ITSN1: variants seen among roughly 807,000 people sequenced by gnomAD.
The protein encoded by ITSN1 is intersectin-1.
A neutral mutation model predicts 239.8 loss-of-function variants in ITSN1; 58 were observed. The ratio of observed to expected loss-of-function variants is 0.24; its 90% CI spans 0.20 to 0.30. The LOEUF is 0.30. Among genes scored for constraint, ITSN1 ranks in the 10% least tolerant of loss-of-function variants. The probability of loss-of-function intolerance (pLI) is 1.00; values close to 1 mark genes in which losing one functional copy is unlikely to be tolerated. For missense variants in ITSN1, 1,558 were observed against 2,103.3 expected, an observed-to-expected ratio of 0.74 and a Z score of 5.07; for synonymous variants, 780 against 770.8, an observed-to-expected ratio of 1.01 and a Z score of -0.20.
intron 9 of ITSN1, among the ~76,000 whole-genome samples, chr21:33,763,515 A>C (rs2068514215): frequency 6.6e-6 from 1 of 152,194 alleles, no homozygotes; most frequent in Non-Finnish European, 1.5e-5. Flanking sequence ...TGCCAGTAGC[A>C]TGAGCTCCAC....
chr21:33,792,614 A>G (rs1170578415), intron 16 of ITSN1, among the ~76,000 whole-genome samples: 1 of 152,228 alleles, frequency 6.6e-6, no homozygotes, highest in Admixed American at 6.5e-5. Context: ...TTGGTATGGC[A>G]GTGAGAAAGA....
At chr21:33,807,282 A>C (rs1470404203) in intron 20 of ITSN1, among the ~76,000 whole-genome samples, 1 of 152,146 alleles carries the variant, frequency 6.6e-6, no homozygotes, top group Middle Eastern at 3.2e-3. Flanking sequence ...ATCACATCTG[A>C]GGACAGGCTG....
chr21:33,752,173 G>A (rs1310979039), intron 7 of ITSN1, among the ~76,000 whole-genome samples: 2 of 151,652 alleles, frequency 1.3e-5, no homozygotes, highest in Admixed American at 6.6e-5. Context: ...ATAACAAATG[G>A]ATAGTAATAA....
At chr21:33,873,985 AC>A (rs1983206055) in intron 33 of ITSN1, among the ~76,000 whole-genome samples, 1 of 150,368 alleles carries the variant, frequency 6.7e-6, no homozygotes, top group African/African-American at 2.5e-5. Context: ...GCATGGTGAA[AC>A]CCCCATCTCT....
At chr21:33,768,120 C>T (rs2068849941) in intron 11 of ITSN1, among the ~76,000 whole-genome samples, 1 of 152,100 alleles carries the variant, frequency 6.6e-6, no homozygotes, top group Admixed American at 6.6e-5. Flanking sequence ...ATAGAATATA[C>T]AGCACTAAAA....
At chr21:33,881,406 CAAAAAA>C (rs1207634551) in intron 34 of ITSN1, among the ~76,000 whole-genome samples, 3 of 75,054 alleles carry the variant, frequency 4.0e-5, no homozygotes, top group Admixed American at 1.6e-4. Flanking sequence ...GACTCTGTCT[CAAAAAA>C]AAAAAAAAAA....
chr21:33,701,620 C>T (rs1471174605), intron 1 of ITSN1, among the ~76,000 whole-genome samples: 1 of 151,182 alleles, frequency 6.6e-6, no homozygotes, highest in Non-Finnish European at 1.5e-5. Context: ...TGGTGAAACC[C>T]TGTGTCTGTT....
At chr21:33,753,164 C>T (rs146708942) in intron 7 of ITSN1, among the ~76,000 whole-genome samples, 1 of 152,086 alleles carries the variant, frequency 6.6e-6, no homozygotes, top group Admixed American at 6.6e-5. Flanking sequence ...GATTTTAAGG[C>T]GTGTGTTCTT....
chr21:33,846,227 A>G (rs943997614), intron 29 of ITSN1, among the ~76,000 whole-genome samples: 1 of 152,042 alleles, frequency 6.6e-6, no homozygotes, highest in Admixed American at 6.5e-5. Flanking sequence ...CCAGCTGCAA[A>G]TGCCTTTGCC....
rs1014225373 is a variant in ITSN1 at position 33,865,600 on chromosome 21, T to C, written c.4074+266T>C. On this transcript the variant is annotated intron_variant, in intron 32 of 39. Coordinates refer to ENST00000381318, the MANE Select transcript of ITSN1 (RefSeq NM_003024.3). This position sits in a 1 kb window ranked among gnomAD's most constrained non-coding sequence, Gnocchi z 4.4. Reference sequence around the variant, plus strand: ...ATCTGTTTTCCAGATGCTATTGGTGTTATTTGGATGCATGTTTAAATCTTT... The same window carrying C: ...ATCTGTTTTCCAGATGCTATTGGTGCTATTTGGATGCATGTTTAAATCTTT... 1.3e-5 allele frequency among the ~76,000 whole-genome samples: 2 copies of C among 152,204 alleles called. No homozygotes were observed. Among genetic ancestry groups the C allele is most frequent in the South Asian group, 4.1e-4 (2 of 4,832 alleles).
At chr21:33,787,630 T>G (rs1198427601) in intron 16 of ITSN1, among the ~76,000 whole-genome samples, 3 of 151,998 alleles carry the variant, frequency 2.0e-5, no homozygotes, top group Non-Finnish European at 4.4e-5. Flanking sequence ...GCAAAATGTT[T>G]AGCAACCAGA....
intron 1 of ITSN1, among the ~76,000 whole-genome samples, chr21:33,669,627 A>G (rs2090141569): frequency 6.6e-6 from 1 of 151,124 alleles, no homozygotes; most frequent in Non-Finnish European, 1.5e-5. Context: ...TTTTTAGTAG[A>G]CATGGGGGTT....
At chr21:33,829,592 A>C in intron 26 of ITSN1, 32 bp from the exon 27 acceptor site, 1 of 1,610,714 alleles carries the variant, frequency 6.2e-7, no homozygotes, top group Non-Finnish European at 8.5e-7. Flanking sequence ...GACTCTTAAC[A>C]GTGCACTGCC....
intron 29 of ITSN1, among the ~76,000 whole-genome samples, chr21:33,841,376 A>G (rs977083823): frequency 1.6e-4 from 23 of 148,314 alleles, no homozygotes; most frequent in Non-Finnish European, 2.4e-4. Context: ...CACCTGGCAC[A>G]TGGTAGGTTA....
In ITSN1 at chr21:33,826,808, C is replaced by T. The variant is rs1470247946; in HGVS notation, c.3184-10C>T. 6.2e-7 allele frequency: 1 copy of T among 1,613,150 alleles called. No homozygotes were observed. The highest frequency in any genetic ancestry group is 1.7e-5 in the Admixed American group (1 of 59,942). ...CAGCATGCAAATGAGACCTTTTGCT[C>T]TGTTTTAAGGGCTCTGGAACTGCTG... On this transcript the variant is annotated splice_polypyrimidine_tract_variant and intron_variant, in intron 25 of 39. Coordinates refer to ENST00000381318, the MANE Select transcript of ITSN1 (RefSeq NM_003024.3).
intron 1 of ITSN1, among the ~76,000 whole-genome samples, chr21:33,677,784 A>G (rs1048197675): frequency 4.6e-5 from 7 of 152,136 alleles, no homozygotes; most frequent in African/African-American, 1.4e-4. Flanking sequence ...ACCACTTTAT[A>G]TCTACTCCAT....
chr21:33,885,142 G>A lies in ITSN1; in HGVS notation c.4759+19G>A, dbSNP rs1445473638. Reference sequence around the variant, plus strand: ...TACCTGGGTAATGCATGGCCCCGCGGGGTGTCCTGCACAGCTGGGCAGGAG... The same window carrying A: ...TACCTGGGTAATGCATGGCCCCGCGAGGTGTCCTGCACAGCTGGGCAGGAG... On this transcript the variant is annotated intron_variant, in intron 37 of 39. Transcript: ENST00000381318. The A allele has an allele frequency of 1.2e-6, 2 of 1,603,518 alleles. No homozygotes were observed. The highest frequency in any genetic ancestry group is 1.1e-5 in the South Asian group (1 of 90,724).
intron 1 of ITSN1, among the ~76,000 whole-genome samples, chr21:33,648,395 T>C (rs2088178293): frequency 6.6e-6 from 1 of 152,232 alleles, no homozygotes; most frequent in South Asian, 2.1e-4. Flanking sequence ...TTAGCCTGTT[T>C]CCTAGACATG....
chr21:33,731,087 C>T (rs2066154934), intron 4 of ITSN1, among the ~76,000 whole-genome samples: 1 of 152,182 alleles, frequency 6.6e-6, no homozygotes, highest in African/African-American at 2.4e-5. Context: ...TTTTGAGTAT[C>T]ACGACATTTT....
Sources: allele counts gnomAD v4.1 joint callset (sites outside exome capture counted in the v4.1 genomes callset), GRCh38; gene constraint gnomAD v4.1.1; non-coding constraint Gnocchi (gnomAD v3.1); transcripts MANE v1.5; gene names NCBI Gene and HGNC (gene_info 2026-07-23, HGNC 2026-07-21).